The following GARIN5B variants were observed in gnomAD, a reference collection of about 807,000 sequenced individuals.
GARIN5B encodes Golgi-associated RAB2 interactor protein 5B.
the GARIN5B span, chr19:55,359,036 G>A: frequency 1.7e-3 from 2,565 of 1,551,414 alleles, 5 homozygotes; most frequent in Non-Finnish European, 2.1e-3. Flanking sequence ...GGTGAAGGGC[G>A]ACTCCGGGGA....
At chr19:55,362,947 C>T in the GARIN5B span, 37 of 1,503,672 alleles carry the variant, frequency 2.5e-5, no homozygotes, top group East Asian at 2.5e-4. Context: ...ACATGGGCAG[C>T]GGACGGAGGG....
At chr19:55,359,640 A>C in the GARIN5B span, 1 of 1,550,650 alleles carries the variant, frequency 6.4e-7, no homozygotes, top group Non-Finnish European at 8.7e-7. Context: ...GGTGCCTTAC[A>C]AGATGTGACA....
chr19:55,361,008 T>C, the GARIN5B span: 5 of 1,550,846 alleles, frequency 3.2e-6, no homozygotes, highest in Admixed American at 7.8e-5. Flanking sequence ...ACTTCTTTTC[T>C]GCAGGTTTCT....
the GARIN5B span, chr19:55,362,715 G>T: frequency 3.3e-6 from 5 of 1,537,170 alleles, no homozygotes; most frequent in South Asian, 2.4e-5. Context: ...CGAACACTGG[G>T]CCCCCTTGAT....
the GARIN5B span, chr19:55,361,138 G>A: frequency 6.4e-6 from 10 of 1,551,136 alleles, no homozygotes; most frequent in South Asian, 1.2e-5. Flanking sequence ...TTAGACAGGG[G>A]CAGCCCCTTG....
the GARIN5B span, chr19:55,358,887 C>T: frequency 2.1e-4 from 320 of 1,550,058 alleles, no homozygotes; most frequent in East Asian, 2.4e-4. Flanking sequence ...TTGGATCTCA[C>T]GCCAGGCAGG....
At chr19:55,355,365 CAG>C in the GARIN5B span, 1 of 1,550,190 alleles carries the variant, frequency 6.5e-7, no homozygotes. Context: ...GAAAGCAAGC[CAG>C]AGAGAGCTTT....
chr19:55,359,191 C>A, the GARIN5B span: 1 of 1,551,434 alleles, frequency 6.4e-7, no homozygotes, highest in Non-Finnish European at 8.7e-7. Flanking sequence ...CGCCAGGGAG[C>A]TTCCCCCGTG....
At chr19:55,360,631 G>A in the GARIN5B span, 1 of 1,528,872 alleles carries the variant, frequency 6.5e-7, no homozygotes, top group Non-Finnish European at 8.8e-7. Context: ...CAGGAGTCCA[G>A]GCCTCCAGCC....
At chr19:55,358,536 G>A in the GARIN5B span, 2 of 1,344,732 alleles carry the variant, frequency 1.5e-6, no homozygotes, top group Non-Finnish European at 1.9e-6. Flanking sequence ...CCCCATGGCT[G>A]CTCCTTCATC....
chr19:55,359,154 G>A, the GARIN5B span: 1 of 1,551,172 alleles, frequency 6.4e-7, no homozygotes, highest in Non-Finnish European at 8.7e-7. Context: ...GCTCTTCCAG[G>A]AATTCCTGTT....
chr19:55,360,943 G>T, the GARIN5B span: 9 of 1,544,984 alleles, frequency 5.8e-6, no homozygotes, highest in Non-Finnish European at 7.0e-6. Context: ...GTGGCATCTG[G>T]GCTGGGGTCT....
At chr19:55,360,048 AC>A in the GARIN5B span, 20 of 1,444,270 alleles carry the variant, frequency 1.4e-5, no homozygotes, top group Non-Finnish European at 1.7e-5. Flanking sequence ...GGGAGGGCAG[AC>A]CCCTGCTCCC....
chr19:55,362,473 G>A, the GARIN5B span: 38 of 1,548,534 alleles, frequency 2.5e-5, no homozygotes, highest in Admixed American at 3.9e-5. Flanking sequence ...GGTCATGGAC[G>A]CAGAGGTGGA....
chr19:55,362,599 C>T, the GARIN5B span: 4 of 1,545,324 alleles, frequency 2.6e-6, no homozygotes, highest in East Asian at 9.8e-5. Context: ...GAGGCCGGAG[C>T]AGTCCCTGTC....
At chr19:55,358,520 ATCTCGCCCCATGGCTG>A in the GARIN5B span, 1 of 33,350 alleles carries the variant, frequency 3.0e-5, no homozygotes, top group Admixed American at 6.2e-4. Context: ...TGGCTCCTTC[ATCTCGCCCCATGGCTG>A]CTCCTTCATC....
the GARIN5B span, chr19:55,359,232 C>G: frequency 0.98 from 1,527,172 of 1,551,264 alleles, 752,359 homozygotes; most frequent in Non-Finnish European, 1. Context: ...ATCTGGTATT[C>G]GGTAGGTGAG....
chr19:55,355,813 C>T, the GARIN5B span, among the ~76,000 whole-genome samples: 887 of 152,028 alleles, frequency 5.8e-3, 8 homozygotes, highest in African/African-American at 0.021. Context: ...TGGTGAAACC[C>T]CATCTCTACA....
the GARIN5B span, chr19:55,358,988 T>C: frequency 2.6e-6 from 4 of 1,551,104 alleles, no homozygotes; most frequent in African/African-American, 5.5e-5. Flanking sequence ...CTCCTTGGTT[T>C]GGCTAATCAG....
Sources: allele counts gnomAD v4.1 joint callset (sites outside exome capture counted in the v4.1 genomes callset), GRCh38; gene constraint gnomAD v4.1.1; transcripts MANE v1.5; gene names NCBI Gene and HGNC (gene_info 2026-07-23, HGNC 2026-07-21).